The following UBN2 variants were observed in gnomAD, a reference collection of about 807,000 sequenced individuals.
UBN2 encodes the protein ubinuclein 2, also known as ubinuclein-2.
A neutral mutation model predicts 120.2 loss-of-function variants in UBN2; 35 were observed. The observed-to-expected ratio is 0.29, with a 90% CI of 0.22 to 0.39. The LOEUF (loss-of-function observed/expected upper bound fraction) is 0.39, where lower values mean the gene tolerates loss of function less well. Ranked by LOEUF, UBN2 falls within the 10% of genes least tolerant of loss-of-function variation. UBN2 has a pLI of 1.00. For missense variants in UBN2, 1,693 were observed against 1,663.2 expected (o/e 1.02, Z -0.31); for synonymous variants, 661 against 648.7 (o/e 1.02, Z -0.29).
At chr7:139,244,347 G>A (rs2355149) in intron 2 of UBN2, among the ~76,000 whole-genome samples, 36,860 of 151,946 alleles carry the variant, frequency 0.24, 7,658 homozygotes, top group African/African-American at 0.56. Flanking sequence ...GTGCAATTAC[G>A]TTTGTACTTT....
chr7:139,281,218 T>C (rs1290952428), intron 13 of UBN2, among the ~76,000 whole-genome samples: 2 of 152,216 alleles, frequency 1.3e-5, no homozygotes, highest in Non-Finnish European at 2.9e-5. Context: ...TTTTTTTGTA[T>C]GTTTCCTTCT....
chr7:139,313,336 C>T, the UBN2 span, among the ~76,000 whole-genome samples: 1 of 151,956 alleles, frequency 6.6e-6, no homozygotes, highest in Non-Finnish European at 1.5e-5. Context: ...ATATTAATTT[C>T]GAGGTATTTT....
chr7:139,269,968 T>C (rs1797218184), intron 8 of UBN2, among the ~76,000 whole-genome samples: 1 of 152,060 alleles, frequency 6.6e-6, no homozygotes, highest in Non-Finnish European at 1.5e-5. Flanking sequence ...ATCATTACCC[T>C]GGCCATTTTT....
At chr7:139,253,345 T>G (rs530667602) in intron 3 of UBN2, among the ~76,000 whole-genome samples, 1 of 152,332 alleles carries the variant, frequency 6.6e-6, no homozygotes, top group East Asian at 1.9e-4. Context: ...GTAGGTTAAA[T>G]TTCTAGCAGT....
intron 17 of UBN2, 96 bp from the exon 18 acceptor site, chr7:139,297,691 C>A: frequency 8.8e-7 from 1 of 1,134,182 alleles, no homozygotes; most frequent in Non-Finnish European, 1.3e-6. Flanking sequence ...ATGTCATCCA[C>A]AAAAGATAAA....
At chr7:139,259,606 C>T (rs1796869554) in intron 5 of UBN2, among the ~76,000 whole-genome samples, 1 of 152,172 alleles carries the variant, frequency 6.6e-6, no homozygotes, top group Non-Finnish European at 1.5e-5. Flanking sequence ...CTTTTACCAA[C>T]AAGAACCAGT....
At chr7:139,316,822 T>C in the UBN2 span, among the ~76,000 whole-genome samples, 4 of 152,188 alleles carry the variant, frequency 2.6e-5, no homozygotes, top group African/African-American at 9.6e-5. Flanking sequence ...CCAATTTTTC[T>C]GTTAGGAAGA....
In UBN2 at chr7:139,232,346, G is replaced by A. The variant is rs542951639; in HGVS notation, c.468+394G>A. The stretch of plus-strand genomic sequence containing the variant: ...CAGCTGTCGTTCCAGTAGAAAGGAA[G>A]AGAAAACCTTGGGGGACACGCCCCC... On this transcript the variant is annotated intron_variant, in intron 1 of 17. Transcript: ENST00000473989. Among the ~76,000 whole-genome samples the A allele has an allele frequency of 3.2e-4, 48 of 152,346 alleles. No individual in the cohort carries two copies. In the South Asian group the frequency reaches 1.0e-2, roughly 32 times the overall value.
chr7:139,326,928 T>G, the UBN2 span, among the ~76,000 whole-genome samples: 1 of 152,250 alleles, frequency 6.6e-6, no homozygotes, highest in Non-Finnish European at 1.5e-5. Context: ...GTGAGGTTGT[T>G]GGCTGTGTCA....
Position 139,251,937 on chromosome 7 carries a change from A to T in UBN2, c.562-19A>T, listed in dbSNP as rs753053689. On this transcript the variant is annotated intron_variant, in intron 2 of 17. Coordinates refer to ENST00000473989, the MANE Select transcript of UBN2 (RefSeq NM_173569.4). ...ACAGCATGAGTACCAAATCAGTCTA[A>T]TGTATCTGTTCTTTGCAGGGTGGGA... 1 of 1,606,678 alleles carries T rather than the reference A, an allele frequency of 6.2e-7. No homozygotes were observed. The highest frequency in any genetic ancestry group is 2.2e-5 in the East Asian group (1 of 44,836).
the UBN2 span, among the ~76,000 whole-genome samples, chr7:139,314,921 T>C: frequency 3.3e-5 from 5 of 151,932 alleles, no homozygotes; most frequent in Non-Finnish European, 7.4e-5. Flanking sequence ...GTGAATGTTT[T>C]TGGATGCATA....
rs868680282 is a variant in UBN2 at position 139,276,270 on chromosome 7, A to G, written c.2024+123A>G. The G allele has an allele frequency of 4.0e-5, 37 of 927,654 alleles. No individual in the cohort carries two copies. The Admixed American group carries it at 5.7e-4, about 14-fold the overall frequency. The allele number at this position is 927,654 out of a possible 1,614,324, so 57.5% of individuals were successfully genotyped here. A position where few individuals can be genotyped will look rare whatever the true frequency, so the allele number is the denominator to read the frequency against. ...AAAAAGATCATTTTGACCATTGACT[A>G]TTTAGACTTCAGAACACATTTATCT... On this transcript the variant is annotated intron_variant, in intron 12 of 17. Coordinates refer to ENST00000473989, the MANE Select transcript of UBN2 (RefSeq NM_173569.4).
intron 15 of UBN2, among the ~76,000 whole-genome samples, chr7:139,290,144 C>G (rs796274144): frequency 2.0e-5 from 3 of 152,228 alleles, no homozygotes; most frequent in African/African-American, 7.2e-5. Flanking sequence ...CCATGTTGGT[C>G]AGGCTGGTTT....
At chr7:139,272,494 T>TATGTATGTATGTATG (rs1554474296) in intron 9 of UBN2, 54 bp downstream of exon 9, 1 of 1,098,958 alleles carries the variant, frequency 9.1e-7, no homozygotes, top group African/African-American at 1.8e-5. Context: ...TGTATGTACG[T>TATGTATGTATGTATG]TATGTATGTA....
chr7:139,267,453 T>C (rs553022671), intron 7 of UBN2, among the ~76,000 whole-genome samples: 3 of 151,898 alleles, frequency 2.0e-5, no homozygotes, highest in Admixed American at 2.0e-4. Flanking sequence ...GGAGGATTCA[T>C]TAAGCCTGGG....
chr7:139,317,795 C>T, the UBN2 span, among the ~76,000 whole-genome samples: 6 of 151,846 alleles, frequency 4.0e-5, no homozygotes, highest in Admixed American at 1.3e-4. Flanking sequence ...CCCAAGTAGC[C>T]GGGATCATAA....
the UBN2 span, among the ~76,000 whole-genome samples, chr7:139,313,627 G>A: frequency 2.0e-5 from 3 of 152,034 alleles, no homozygotes; most frequent in African/African-American, 7.2e-5. Context: ...GGGGAACGTG[G>A]CATCTTTGTT....
downstream of UBN2, chr7:139,308,327 G>C (rs1260560802): frequency 6.6e-6 from 1 of 152,126 alleles, no homozygotes; most frequent in Non-Finnish European, 1.5e-5. Context: ...ATCACACTGT[G>C]CTAGGTTTAT....
intron 15 of UBN2, among the ~76,000 whole-genome samples, chr7:139,288,214 G>C (rs1797845692): frequency 6.6e-6 from 1 of 152,142 alleles, no homozygotes; most frequent in South Asian, 2.1e-4. Flanking sequence ...AGTCTAGGTA[G>C]GAAGACAAGG....
Sources: allele counts gnomAD v4.1 joint callset (sites outside exome capture counted in the v4.1 genomes callset), GRCh38; gene constraint gnomAD v4.1.1; transcripts MANE v1.5; gene names NCBI Gene and HGNC (gene_info 2026-07-23, HGNC 2026-07-21).